Variants in ZFHX4 observed in about 807,000 individuals in gnomAD.
ZFHX4 encodes zinc finger homeobox 4.
ZFHX4 carries 56 observed loss-of-function variants against 267.6 expected under a neutral mutation model. The observed-to-expected ratio is 0.21, with a 90% CI of 0.17 to 0.26. The LOEUF is 0.26. Among genes scored for constraint, ZFHX4 ranks in the 10% least tolerant of loss-of-function variants. The probability of loss-of-function intolerance (pLI) is 1.00; values close to 1 mark genes in which losing one functional copy is unlikely to be tolerated. For missense variants in ZFHX4, 4,332 were observed against 4,420.0 expected (o/e 0.98, Z 0.56); for synonymous variants, 1,778 against 1,665.6 (o/e 1.07, Z -1.64).
chr8:76,710,773 C>T (rs1439650899), intron 3 of ZFHX4, among the ~76,000 whole-genome samples: 4 of 152,088 alleles, frequency 2.6e-5, no homozygotes, highest in African/African-American at 9.7e-5. Flanking sequence ...CACTTTACCT[C>T]TTGCATTGTC....
intron 3 of ZFHX4, among the ~76,000 whole-genome samples, chr8:76,767,856 G>T (rs1363761894): frequency 1.3e-5 from 2 of 152,282 alleles, no homozygotes; most frequent in East Asian, 3.9e-4. Context: ...GGATTTTTAT[G>T]AAGATGGGTT....
intron 3 of ZFHX4, among the ~76,000 whole-genome samples, chr8:76,739,240 T>A (rs1809252479): frequency 6.6e-6 from 1 of 152,186 alleles, no homozygotes; most frequent in African/African-American, 2.4e-5. Context: ...TTCCTTTTTT[T>A]AAAAGTCCAT....
chr8:76,856,223 T>A lies in ZFHX4; in HGVS notation c.9302T>A (p.Leu3101His), dbSNP rs781721504. ...GISLPTAYPGLPGLPPVLLPG... is the reference protein window; with the variant it reads ...GISLPTAYPGHPGLPPVLLPG... ...AGCCTGCCAACAGCCTACCCCGGAC[T>A]CCCCGGCCTTCCTCCAGTCCTTCTC... is the stretch of plus-strand genomic sequence containing the variant. The change falls in exon 10 of 11, where the codon CTC (leucine) becomes CAC (histidine). Residue 3101 changes from leucine to histidine, a missense_variant. Leu to His is a moderately conservative substitution (Grantham distance 99). Transcript: ENST00000651372. 1.9e-6 allele frequency: 3 copies of A among 1,613,848 alleles called. No individual in the cohort carries two copies. Among genetic ancestry groups the A allele is most frequent in the Non-Finnish European group, 2.5e-6 (3 of 1,179,832 alleles).
At chr8:76,776,796 A>T (rs982292871) in intron 3 of ZFHX4, among the ~76,000 whole-genome samples, 8 of 152,148 alleles carry the variant, frequency 5.3e-5, no homozygotes, top group South Asian at 4.1e-4. Context: ...TTGATTTTTT[A>T]AAAAATACTA....
chr8:76,829,250 T>G (rs922140283), intron 4 of ZFHX4, among the ~76,000 whole-genome samples: 1 of 127,402 alleles, frequency 7.8e-6, no homozygotes, highest in Non-Finnish European at 1.6e-5. Context: ...GATTATAGTT[T>G]TGCAAAATTG....
chr8:76,819,056 G>T (rs1304416819), intron 4 of ZFHX4, among the ~76,000 whole-genome samples: 1 of 151,846 alleles, frequency 6.6e-6, no homozygotes, highest in African/African-American at 2.4e-5. Flanking sequence ...AAGGGGCCCT[G>T]ATAGTAAGGC....
chr8:76,784,252 A>G (rs767558153), intron 4 of ZFHX4, among the ~76,000 whole-genome samples: 4 of 150,512 alleles, frequency 2.7e-5, no homozygotes, highest in Non-Finnish European at 4.5e-5. Flanking sequence ...ATGTTTTTAG[A>G]TGTGAGAAAA....
chr8:76,791,680 G>A (rs1473486401), intron 4 of ZFHX4, among the ~76,000 whole-genome samples: 1 of 152,092 alleles, frequency 6.6e-6, no homozygotes, highest in Non-Finnish European at 1.5e-5. Context: ...TTTAATCTCA[G>A]TCTTACTATT....
intron 3 of ZFHX4, among the ~76,000 whole-genome samples, chr8:76,771,971 A>G (rs1188510994): frequency 6.6e-6 from 1 of 152,162 alleles, no homozygotes; most frequent in African/African-American, 2.4e-5. Flanking sequence ...TGAGGAAGGA[A>G]TATGGTATAA....
rs200717354 is a variant in ZFHX4 at position 76,854,728 on chromosome 8, C to A, written c.7807C>A (p.His2603Asn). The A allele has an allele frequency of 6.2e-7, 1 of 1,612,988 alleles. No homozygotes were observed. The highest frequency in any genetic ancestry group is 8.5e-7 in the Non-Finnish European group (1 of 1,179,406). Residue 2603 changes from histidine to asparagine, a missense_variant, in exon 10 of 11, where the codon CAC (histidine) becomes AAC (asparagine). Physicochemically the swap from His to Asn is moderately conservative, Grantham distance 68 (BLOSUM62 1). Transcript: ENST00000651372. Reference sequence around the variant, plus strand: ...AGGAGGGAATAGCGGTGAAGACCAACACCGAGATAAACGCTTGAGAACCAC... The same window carrying A: ...AGGAGGGAATAGCGGTGAAGACCAAAACCGAGATAAACGCTTGAGAACCAC... ...KEGGNSGEDQ[H>N]RDKRLRTTIT...
intron 4 of ZFHX4, among the ~76,000 whole-genome samples, chr8:76,784,395 G>A (rs1341836034): frequency 6.6e-6 from 1 of 151,916 alleles, no homozygotes; most frequent in African/African-American, 2.4e-5. Context: ...GACCAACACT[G>A]GTCCCTAATG....
In ZFHX4 at chr8:76,717,485, T is replaced by G. The variant is rs527594149; in HGVS notation, c.3093+9437T>G. ...GTTGACCACATCTATTAAAGAATGT[T>G]CATTTACTGGAAAGTAAGAATAGTT... On this transcript the variant is annotated intron_variant, in intron 3 of 10. Transcript: ENST00000651372. 2.6e-5 allele frequency among the ~76,000 whole-genome samples: 4 copies of G among 152,352 alleles called. No individual in the cohort carries two copies. The South Asian group carries it at 8.3e-4, about 32-fold the overall frequency.
At chr8:76,755,252 G>A (rs956800112) in intron 3 of ZFHX4, among the ~76,000 whole-genome samples, 2 of 152,032 alleles carry the variant, frequency 1.3e-5, no homozygotes, top group African/African-American at 4.8e-5. Context: ...GTTATATATG[G>A]TGTAAATATT....
chr8:76,773,914 T>C (rs964917375), intron 3 of ZFHX4, among the ~76,000 whole-genome samples: 1 of 152,096 alleles, frequency 6.6e-6, no homozygotes, highest in Non-Finnish European at 1.5e-5. Context: ...TGACAAAAAA[T>C]GATGTTTTTA....
Position 76,854,882 on chromosome 8 carries a change from A to C in ZFHX4, c.7961A>C (p.Gln2654Pro). Residue 2654 changes from glutamine (Q) to proline (P), a missense_variant, in exon 10 of 11, where the codon CAG becomes CCG. Around this residue, in one of 7 missense-constraint regions of ZFHX4, gnomAD observed 1,648 missense variants for 1,625.0 expected, o/e 1.01. Transcript: ENST00000651372. ...LKKRVVQVWF[Q>P]NTRARERKGQ... Reference sequence around the variant, plus strand: ...AAAAGGGTCGTGCAAGTCTGGTTCCAGAATACACGAGCGCGGGAGAGGAAA... The same window carrying C: ...AAAAGGGTCGTGCAAGTCTGGTTCCCGAATACACGAGCGCGGGAGAGGAAA... The C allele has an allele frequency of 6.2e-7, 1 of 1,612,596 alleles. No individual in the cohort carries two copies. The highest frequency in any genetic ancestry group is 8.5e-7 in the Non-Finnish European group (1 of 1,179,166).
chr8:76,784,928 A>G (rs748562359), intron 4 of ZFHX4, among the ~76,000 whole-genome samples: 2 of 152,094 alleles, frequency 1.3e-5, no homozygotes, highest in Non-Finnish European at 2.9e-5. Context: ...TTAAAATGAC[A>G]AAGTTCTACA....
chr8:76,845,430 G>A (rs1586003082), intron 6 of ZFHX4, among the ~76,000 whole-genome samples: 1 of 151,952 alleles, frequency 6.6e-6, no homozygotes, highest in East Asian at 1.9e-4. Context: ...GAGTAAACAT[G>A]AGGAAAGATG....
Position 76,853,460 on chromosome 8 carries a change from C to T in ZFHX4, c.6539C>T (p.Thr2180Met), listed in dbSNP as rs749590793. 4.3e-6 allele frequency: 7 copies of T among 1,613,754 alleles called. No individual in the cohort carries two copies. The highest frequency in any genetic ancestry group is 2.2e-5 in the South Asian group (2 of 91,060). Residue 2180 changes from threonine to methionine, a missense_variant, in exon 10 of 11, where the codon ACG becomes ATG. By Grantham distance (81) the Thr-to-Met change is moderately conservative. This residue lies in a region of ZFHX4 where 48 missense variants were observed against 95.4 expected (regional missense o/e 0.50). Transcript: ENST00000651372. ...GTTATCAAACACTGGTTTAGAAATACGCTTTTTAAGGAACGACAGAGAAAT... is the reference window on the plus strand; with the variant it reads ...GTTATCAAACACTGGTTTAGAAATATGCTTTTTAAGGAACGACAGAGAAAT... ...QKVIKHWFRNTLFKERQRNKD... is the reference protein window; with the variant it reads ...QKVIKHWFRNMLFKERQRNKD...
At chr8:76,778,101 G>T (rs11782906) in intron 3 of ZFHX4, 107 bp from the exon 4 acceptor site, 1 of 732,250 alleles carries the variant, frequency 1.4e-6, no homozygotes, top group Non-Finnish European at 2.4e-6. Flanking sequence ...AAATGCATTT[G>T]AGCATCTGTG....
Sources: gnomAD v4.1 joint callset for allele counts (sites outside exome capture counted in the v4.1 genomes callset) on GRCh38, gnomAD v4.1.1 for gene constraint, gnomAD v4.1.1 regional missense constraint, MANE v1.5 for transcripts, NCBI Gene and HGNC (gene_info 2026-07-23, HGNC 2026-07-21) for gene names.